The following CCDC180 variants were observed in gnomAD, a reference collection of about 807,000 sequenced individuals.
The protein encoded by CCDC180 is coiled-coil domain containing 180, also known as coiled-coil domain-containing protein 180.
Under a neutral mutation model 209.2 loss-of-function variants are expected in CCDC180, and 154 were observed. That is an observed-to-expected ratio of 0.74 (90% confidence interval 0.65 to 0.84). The LOEUF (loss-of-function observed/expected upper bound fraction) is 0.84, where lower values mean the gene tolerates loss of function less well. Ranked by LOEUF, CCDC180 falls within the 40% of genes least tolerant of loss-of-function variation. The pLI is 0.00. For synonymous variants in CCDC180, 778 were observed against 749.1 expected, an observed-to-expected ratio of 1.04 and a Z score of -0.63; for missense variants, 1,874 against 1,997.3, an observed-to-expected ratio of 0.94 and a Z score of 1.18.
At chr9:97,372,064 G>T (rs149356590) in intron 34 of CCDC180, 56 of 166,700 alleles carry the variant, frequency 3.4e-4, no homozygotes, top group African/African-American at 1.2e-3. Context: ...CCACAAACTG[G>T]AAAAGTATTC....
At chr9:97,354,255 A>C (rs907376361) in intron 22 of CCDC180, among the ~76,000 whole-genome samples, 2 of 151,792 alleles carry the variant, frequency 1.3e-5, no homozygotes, top group African/African-American at 4.8e-5. Flanking sequence ...AGCCTCCCAA[A>C]CTTATGAGCC....
chr9:97,342,218 ACC>A (rs1249356541), intron 18 of CCDC180, among the ~76,000 whole-genome samples: 1 of 152,188 alleles, frequency 6.6e-6, no homozygotes, highest in Non-Finnish European at 1.5e-5. Context: ...TGAACCAGGT[ACC>A]TCAGTTGGAA....
intron 3 of CCDC180, among the ~76,000 whole-genome samples, chr9:97,310,101 A>C (rs555601467): frequency 1.3e-5 from 2 of 152,362 alleles, no homozygotes; most frequent in East Asian, 3.9e-4. Context: ...TTCAGGCCAC[A>C]GTCAGTATTT....
chr9:97,313,650 T>C (rs1277804644), intron 5 of CCDC180, among the ~76,000 whole-genome samples: 1 of 152,224 alleles, frequency 6.6e-6, no homozygotes, highest in Non-Finnish European at 1.5e-5. Flanking sequence ...TCCCTCCAGG[T>C]CTGACACCAA....
At chr9:97,374,256 C>G (rs923257840) in intron 34 of CCDC180, 5 of 387,918 alleles carry the variant, frequency 1.3e-5, no homozygotes, top group Non-Finnish European at 2.3e-5. Context: ...TATCCGGGGA[C>G]TCATGGAAAC....
At chr9:97,354,143 A>G (rs146812094) in intron 22 of CCDC180, among the ~76,000 whole-genome samples, 36 of 151,988 alleles carry the variant, frequency 2.4e-4, no homozygotes, top group African/African-American at 8.4e-4. Context: ...AATCACAGGC[A>G]CATGCCACCA....
At chr9:97,322,196 A>G (rs189940524) in intron 11 of CCDC180, among the ~76,000 whole-genome samples, 1 of 152,136 alleles carries the variant, frequency 6.6e-6, no homozygotes, top group Admixed American at 6.5e-5. Context: ...GCTTCTTTTC[A>G]TCAGTTCTAG....
At chr9:97,371,097 G>A (rs1414338611) in intron 33 of CCDC180, 1 of 176,026 alleles carries the variant, frequency 5.7e-6, no homozygotes, top group Non-Finnish European at 1.2e-5. Context: ...CCGAGTAGCT[G>A]GGACTACAGG....
intron 14 of CCDC180, among the ~76,000 whole-genome samples, chr9:97,325,468 A>AT (rs961972905): frequency 1.3e-5 from 2 of 152,148 alleles, no homozygotes; most frequent in Non-Finnish European, 2.9e-5. Context: ...TTGAAAGAGA[A>AT]TTTTTTCATA....
chr9:97,361,984 A>T, intron 27 of CCDC180, 86 bp downstream of exon 27: 1 of 1,485,162 alleles, frequency 6.7e-7, no homozygotes, highest in Non-Finnish European at 9.1e-7. Context: ...GGCCCCACAC[A>T]CTGGGGTTCC....
At chr9:97,311,232 G>C (rs970029673) in intron 3 of CCDC180, among the ~76,000 whole-genome samples, 1 of 152,178 alleles carries the variant, frequency 6.6e-6, no homozygotes, top group Non-Finnish European at 1.5e-5. Context: ...TTGACAGCAG[G>C]TGTCATCATC....
chr9:97,339,866 C>CT (rs1285388578), intron 18 of CCDC180, among the ~76,000 whole-genome samples: 2 of 152,208 alleles, frequency 1.3e-5, no homozygotes, highest in Admixed American at 6.5e-5. Context: ...TCTTTTTACT[C>CT]TTTTTTCTCT....
chr9:97,371,843 CTTAAAAATAATTTTT>C, intron 34 of CCDC180, 137 bp downstream of exon 34: 2 of 497,620 alleles, frequency 4.0e-6, no homozygotes, highest in Non-Finnish European at 7.2e-6. Context: ...TTTTGTTTTC[CTTAAAAATAATTTTT>C]TGATTAAAAA....
At chr9:97,356,609 C>T (rs1005680108) in intron 24 of CCDC180, among the ~76,000 whole-genome samples, 6 of 152,186 alleles carry the variant, frequency 3.9e-5, no homozygotes, top group Non-Finnish European at 8.8e-5. Flanking sequence ...GGGAGCAGAG[C>T]CCACGGCTCC....
intron 34 of CCDC180, 55 bp from the exon 35 acceptor site, chr9:97,374,488 C>A: frequency 7.2e-7 from 1 of 1,386,752 alleles, no homozygotes; most frequent in Non-Finnish European, 1.0e-6. Context: ...GGGGAAATCC[C>A]TCGATCTCAG....
chr9:97,328,794 T>C (rs1044022362), intron 16 of CCDC180, among the ~76,000 whole-genome samples: 13 of 152,220 alleles, frequency 8.5e-5, no homozygotes, highest in African/African-American at 3.1e-4. Flanking sequence ...TTTTTTGTGC[T>C]TGGTTGCTGT....
rs1564163597 is a variant in CCDC180 at position 97,343,540 on chromosome 9, A to G, written c.2475A>G (p.Arg825=). The G allele has an allele frequency of 6.2e-7, 1 of 1,613,364 alleles. No homozygotes were observed. The highest frequency in any genetic ancestry group is 2.2e-5 in the East Asian group (1 of 44,882). Residue 825 remains arginine (R), a synonymous_variant, in exon 19 of 37, where the codon AGA becomes AGG. Transcript: ENST00000529487. ...KFIEQVTIPS[R]LILEIKKQLR... is the part of the protein sequence containing the mutation. ...TAGAACAAGTGACAATTCCATCGAG[A>G]CTAATTTTAGAAATTAAGAAACAGT...
rs1181567376 is a variant in CCDC180, at chr9:97,377,388, A to G, written c.*494A>G. The stretch of plus-strand genomic sequence containing the variant: ...GTCTGAGCAAATTGCAATATTTTGG[A>G]AAAAAAAAAATCTTCCAGGCTCCTT... On this transcript the variant is annotated 3_prime_UTR_variant, in exon 37 of 37. Coordinates refer to ENST00000529487, the MANE Select transcript of CCDC180 (RefSeq NM_020893.6). 5.4e-5 allele frequency: 3 copies of G among 55,972 alleles called. No homozygotes were observed. Among genetic ancestry groups the G allele is most frequent in the Non-Finnish European group, 1.5e-4 (3 of 20,266 alleles). 3.5% of individuals were successfully genotyped at this position (55,972 alleles called of 1,614,324 possible). A position where few individuals can be genotyped will look rare whatever the true frequency, so the allele number is the denominator to read the frequency against.
At chr9:97,316,743 T>C (rs1833186169) in intron 8 of CCDC180, among the ~76,000 whole-genome samples, 1 of 152,304 alleles carries the variant, frequency 6.6e-6, no homozygotes, top group African/African-American at 2.4e-5. Flanking sequence ...GAGTAAACAC[T>C]TAGAGCTCAC....
Sources: allele counts gnomAD v4.1 joint callset (sites outside exome capture counted in the v4.1 genomes callset), GRCh38; gene constraint gnomAD v4.1.1; transcripts MANE v1.5; gene names NCBI Gene and HGNC (gene_info 2026-07-23, HGNC 2026-07-21).